DLGAP1: variants seen among roughly 807,000 people sequenced by gnomAD.
The protein encoded by DLGAP1 is DLG associated protein 1.
A neutral mutation model predicts 90.8 loss-of-function variants in DLGAP1; 11 were observed. That is an observed-to-expected ratio of 0.12 (90% confidence interval 0.08 to 0.20). DLGAP1 has a LOEUF of 0.20. DLGAP1 is among the 10% of genes least tolerant of loss of function. The probability of loss-of-function intolerance (pLI) is 1.00; values close to 1 mark genes in which losing one functional copy is unlikely to be tolerated. For synonymous variants in DLGAP1, 558 were observed against 540.7 expected, an observed-to-expected ratio of 1.03 and a Z score of -0.44; for missense variants, 1,050 against 1,333.8, an observed-to-expected ratio of 0.79 and a Z score of 3.31.
intron 3 of DLGAP1, among the ~76,000 whole-genome samples, chr18:3,987,548 T>C (rs2073867905): frequency 6.6e-6 from 1 of 152,210 alleles, no homozygotes; most frequent in Admixed American, 6.5e-5. Context: ...TCGAACTCAC[T>C]TCACCCACAG....
chr18:4,016,191 C>T (rs1047699042), intron 2 of DLGAP1, among the ~76,000 whole-genome samples: 3 of 152,130 alleles, frequency 2.0e-5, no homozygotes, highest in Non-Finnish European at 4.4e-5. Context: ...GGAGAAAGAA[C>T]ACAAAATTTT....
intron 1 of DLGAP1, among the ~76,000 whole-genome samples, chr18:4,230,302 A>G (rs184198784): frequency 6.6e-6 from 1 of 152,242 alleles, no homozygotes; most frequent in Non-Finnish European, 1.5e-5. Flanking sequence ...AAGAAAGTGA[A>G]TTCGTATTAT....
At chr18:3,568,490 G>T (rs78232180) in intron 8 of DLGAP1, among the ~76,000 whole-genome samples, 10,162 of 151,878 alleles carry the variant, frequency 0.067, 478 homozygotes, top group African/African-American at 0.13. Context: ...GAATTATTAG[G>T]TTTATTCCGT....
chr18:4,214,298 G>A (rs1385887403), intron 1 of DLGAP1, among the ~76,000 whole-genome samples: 1 of 140,264 alleles, frequency 7.1e-6, no homozygotes, highest in African/African-American at 2.6e-5. Context: ...ACAGATACAG[G>A]TTAAGGAAAC....
intron 3 of DLGAP1, among the ~76,000 whole-genome samples, chr18:3,939,477 A>C (rs911476605): frequency 1.3e-5 from 2 of 150,802 alleles, no homozygotes; most frequent in East Asian, 1.9e-4. Context: ...CAAACAAAAA[A>C]CCCCCCAAAA....
At chr18:4,188,746 T>C (rs1054640158) in intron 1 of DLGAP1, among the ~76,000 whole-genome samples, 5 of 152,174 alleles carry the variant, frequency 3.3e-5, no homozygotes, top group Admixed American at 3.3e-4. Flanking sequence ...TCCAAGTCTT[T>C]GCCATTGTAG....
chr18:4,418,862 AC>A (rs199791609), intron 1 of DLGAP1, among the ~76,000 whole-genome samples: 29 of 18,544 alleles, frequency 1.6e-3, no homozygotes, highest in Non-Finnish European at 1.1e-3. Context: ...CAAAAACAAA[AC>A]AAAAAAAAAA....
At chr18:4,007,433 T>TCC (rs1289312171) in intron 2 of DLGAP1, among the ~76,000 whole-genome samples, 5 of 152,124 alleles carry the variant, frequency 3.3e-5, no homozygotes, top group Admixed American at 3.3e-4. Flanking sequence ...GGCCGGCAGA[T>TCC]TACCTGAGGT....
chr18:3,993,902 T>G (rs4797135), intron 3 of DLGAP1, among the ~76,000 whole-genome samples: 140,980 of 152,140 alleles, frequency 0.93, 65,382 homozygotes, highest in East Asian at 0.99. Flanking sequence ...GAGCAGAAAA[T>G]ATATATGAGA....
At chr18:4,134,452 A>C (rs1404586252) in intron 2 of DLGAP1, among the ~76,000 whole-genome samples, 9 of 152,182 alleles carry the variant, frequency 5.9e-5, no homozygotes, top group Admixed American at 5.9e-4. Flanking sequence ...ACCTAGAAAT[A>C]AATTTGAGTG....
intron 7 of DLGAP1, among the ~76,000 whole-genome samples, chr18:3,610,180 C>T (rs192304709): frequency 5.6e-4 from 86 of 152,278 alleles, no homozygotes; most frequent in African/African-American, 2.0e-3. Context: ...TCAAAATATA[C>T]TTCTTTGGCA....
chr18:4,000,902 G>A (rs963301729), intron 3 of DLGAP1, among the ~76,000 whole-genome samples: 1 of 152,104 alleles, frequency 6.6e-6, no homozygotes, highest in East Asian at 1.9e-4. Flanking sequence ...TGCATTCTGG[G>A]CCAGTTTTAC....
intron 4 of DLGAP1, among the ~76,000 whole-genome samples, chr18:3,827,878 A>G (rs1314576305): frequency 6.6e-6 from 1 of 152,174 alleles, no homozygotes; most frequent in African/African-American, 2.4e-5. Context: ...AGTGTCTGCC[A>G]CAGTGCTCTG....
chr18:3,589,504 G>C (rs2145520946), intron 7 of DLGAP1, among the ~76,000 whole-genome samples: 1 of 152,142 alleles, frequency 6.6e-6, no homozygotes, highest in East Asian at 1.9e-4. Context: ...TAAAACATGA[G>C]AGAGCAAGTC....
intron 1 of DLGAP1, among the ~76,000 whole-genome samples, chr18:4,198,926 G>A (rs1166033865): frequency 6.6e-6 from 1 of 152,214 alleles, no homozygotes; most frequent in Non-Finnish European, 1.5e-5. Flanking sequence ...AAGAAAAGCA[G>A]GCATCGTAGT....
chr18:4,389,254 A>C (rs1270776291), intron 1 of DLGAP1, among the ~76,000 whole-genome samples: 3 of 152,240 alleles, frequency 2.0e-5, no homozygotes, highest in Non-Finnish European at 4.4e-5. Flanking sequence ...AAAATAAGCC[A>C]GTCACAAAAA....
intron 3 of DLGAP1, among the ~76,000 whole-genome samples, chr18:3,901,030 C>T (rs73940254): frequency 2.0e-5 from 3 of 151,940 alleles, no homozygotes; most frequent in African/African-American, 7.3e-5. Context: ...AGGACCCTTG[C>T]GCAGCTTGAC....
rs776606565 is a variant in DLGAP1, at chr18:3,860,113, T to TAAATAAATAAATAAATAAATAAAAAATAA, written c.957+18998_957+18999insTTATTTTTTATTTATTTATTTATTTATTT. On this transcript the variant is annotated intron_variant, in intron 4 of 12. Transcript: ENST00000315677. ...GACTCTGTCTCAAAAAATAAATAAA[T>TAAATAAATAAATAAATAAATAAAAAATAA]AAATAAATTTGCATTGTATTAAGGC... Among the ~76,000 whole-genome samples the TAAATAAATAAATAAATAAATAAAAAATAA allele has an allele frequency of 5.6e-3, 794 of 142,218 alleles. 9 individuals carry two copies. The highest frequency in any genetic ancestry group is 0.017 in the Middle Eastern group (5 of 288). 93.3% of individuals were successfully genotyped at this position (142,218 alleles called of 152,430 possible).
intron 7 of DLGAP1, among the ~76,000 whole-genome samples, chr18:3,640,523 G>A (rs1231059511): frequency 6.6e-6 from 1 of 152,232 alleles, no homozygotes; most frequent in Non-Finnish European, 1.5e-5. Flanking sequence ...CCAAACTGAG[G>A]AGAAACCAAG....
Sources: allele counts gnomAD v4.1 joint callset (sites outside exome capture counted in the v4.1 genomes callset), GRCh38; gene constraint gnomAD v4.1.1; transcripts MANE v1.5; gene names NCBI Gene and HGNC (gene_info 2026-07-23, HGNC 2026-07-21).